Variants in ZNF530 observed in about 807,000 individuals in gnomAD.
The protein encoded by ZNF530 is zinc finger protein 530.
Under a neutral mutation model 2.8 loss-of-function variants are expected in ZNF530, and 5 were observed. The ratio of observed to expected loss-of-function variants is 1.80; its 90% CI spans 0.94 to 3.78. The LOEUF is 3.78. Ranked by LOEUF, ZNF530 falls within the 30% of genes most tolerant of loss-of-function variation. The pLI is 0.00. For missense variants in ZNF530, 619 were observed against 673.3 expected (o/e 0.92, Z 0.89); for synonymous variants, 229 against 235.0 (o/e 0.97, Z 0.23).
chr19:57,607,578 C>T lies in ZNF530; in HGVS notation c.*253C>T. On this transcript the variant is annotated 3_prime_UTR_variant, in exon 4 of 4. Transcript: ENST00000597700. Reference sequence around the variant, plus strand: ...CAGGCTGGTGTTGAACTCCTGACCTCAGGTAATCCACCTGCTTCAGCCTAC... The same window carrying T: ...CAGGCTGGTGTTGAACTCCTGACCTTAGGTAATCCACCTGCTTCAGCCTAC... 1 of 430,252 alleles carries T rather than the reference C, an allele frequency of 2.3e-6. No homozygotes were observed. Among genetic ancestry groups the T allele is most frequent in the South Asian group, 3.2e-5 (1 of 31,072 alleles). 26.7% of individuals were successfully genotyped at this position (430,252 alleles called of 1,614,324 possible).
chr19:57,609,583 C>T lies in ZNF530; in HGVS notation c.*2258C>T, dbSNP rs148352531. Reference sequence around the variant, plus strand: ...AATCTCTTGAACCTGGGAGGTGAGCCGAGATCGCACCATTGCACTTCGGCC... The same window carrying T: ...AATCTCTTGAACCTGGGAGGTGAGCTGAGATCGCACCATTGCACTTCGGCC... On this transcript the variant is annotated 3_prime_UTR_variant, in exon 4 of 4. Coordinates refer to ENST00000597700, the MANE Select transcript of ZNF530 (RefSeq NM_001321981.2). Among the ~76,000 whole-genome samples the T allele has an allele frequency of 2.2e-3, 337 of 152,202 alleles. 2 individuals are homozygous for T. Among genetic ancestry groups the T allele is most frequent in the African/African-American group, 7.8e-3 (323 of 41,518 alleles).
intron 2 of ZNF530, among the ~76,000 whole-genome samples, chr19:57,603,190 T>C (rs1342336336): frequency 6.6e-6 from 1 of 152,176 alleles, no homozygotes; most frequent in African/African-American, 2.4e-5. Flanking sequence ...CAACCAGCCT[T>C]AAAACCATCA....
downstream of ZNF530, among the ~76,000 whole-genome samples, chr19:57,612,091 A>C (rs895483682): frequency 6.6e-6 from 1 of 152,192 alleles, no homozygotes; most frequent in African/African-American, 2.4e-5. Flanking sequence ...TTTCTAGGGA[A>C]ATTCTGAGTA....
chr19:57,602,716 T>C (rs1395600341), intron 2 of ZNF530, among the ~76,000 whole-genome samples: 1 of 152,168 alleles, frequency 6.6e-6, no homozygotes, highest in South Asian at 2.1e-4. Context: ...TTCGTGCTGC[T>C]GATAAAGACA....
rs903152438 is a variant in ZNF530, at chr19:57,607,626, T to A, written c.*301T>A. 5 of 324,754 alleles carry A rather than the reference T, an allele frequency of 1.5e-5. No homozygotes were observed. Among genetic ancestry groups the A allele is most frequent in the African/African-American group, 1.1e-4 (5 of 47,266 alleles). The allele number at this position is 324,754 out of a possible 1,614,324, so 20.1% of individuals were successfully genotyped here. A position where few individuals can be genotyped will look rare whatever the true frequency, so the allele number is the denominator to read the frequency against. ...TACCAAAGTGCTGGGATTACAGGCG[T>A]GAGCCACCATGTCCGGCTTGTGTTG... On this transcript the variant is annotated 3_prime_UTR_variant, in exon 4 of 4. Coordinates refer to ENST00000597700, the MANE Select transcript of ZNF530 (RefSeq NM_001321981.2).
At position 57,606,286 on chromosome 19, in the gene ZNF530, T is replaced by C; in HGVS notation, c.662T>C (p.Phe221Ser). Residue 221 changes from phenylalanine to serine, a missense_variant, in exon 4 of 4, where the codon TTT becomes TCT. Coordinates refer to ENST00000597700, the MANE Select transcript of ZNF530 (RefSeq NM_001321981.2). ...CGKSFSQSSGFLRHRKAHGRT... is the reference protein window; with the variant it reads ...CGKSFSQSSGSLRHRKAHGRT... ...AAATCCTTTAGTCAAAGTTCTGGCT[T>C]TCTTCGACACAGGAAAGCACACGGT... The C allele has an allele frequency of 6.2e-7, 1 of 1,614,124 alleles. No individual in the cohort carries two copies. Among genetic ancestry groups the C allele is most frequent in the Non-Finnish European group, 8.5e-7 (1 of 1,180,036 alleles).
intron 2 of ZNF530, among the ~76,000 whole-genome samples, chr19:57,602,622 CAG>C (rs780907123): frequency 1.6e-4 from 25 of 152,164 alleles, no homozygotes; most frequent in Non-Finnish European, 2.6e-4. Flanking sequence ...AGGAATAATA[CAG>C]AGAGAGGATA....
Position 57,605,497 on chromosome 19 carries a change from C to A in ZNF530, c.62-189C>A, listed in dbSNP as rs1980461796. The A allele has an allele frequency of 1.8e-5, 10 of 561,014 alleles. No homozygotes were observed. The South Asian group carries it at 2.2e-4, about 12-fold the overall frequency. 34.8% of individuals were successfully genotyped at this position (561,014 alleles called of 1,614,324 possible). A position where few individuals can be genotyped will look rare whatever the true frequency, so the allele number is the denominator to read the frequency against. ...CTACCTGTTCTCTCTGAGTTGTGCCCCATCTTTGTGTCTTTCATCTCATAA... is the reference window on the plus strand; with the variant it reads ...CTACCTGTTCTCTCTGAGTTGTGCCACATCTTTGTGTCTTTCATCTCATAA... On this transcript the variant is annotated intron_variant, in intron 3 of 3. Coordinates refer to ENST00000597700, the MANE Select transcript of ZNF530 (RefSeq NM_001321981.2).
At position 57,607,297 on chromosome 19, in the gene ZNF530, T is replaced by G; in HGVS notation, c.1673T>G (p.Leu558Ter). The G allele has an allele frequency of 6.2e-7, 1 of 1,612,186 alleles. No homozygotes were observed. The highest frequency in any genetic ancestry group is 1.1e-5 in the South Asian group (1 of 90,992). ...GKSFSQSSGL[L>*]RHRRVHVQ ...TCCTTTAGCCAAAGCTCTGGCCTCT[T>G]AAGACACAGAAGAGTTCATGTGCAG... Residue 558 changes from leucine (L) to a stop codon, truncating the protein, a stop_gained, in exon 4 of 4, where the codon TTA becomes TGA. Coordinates refer to ENST00000597700, the MANE Select transcript of ZNF530 (RefSeq NM_001321981.2). LOFTEE classifies it low-confidence loss of function (END_TRUNC).
Position 57,609,584 on chromosome 19 carries a change from G to A in ZNF530, c.*2259G>A, listed in dbSNP as rs530162915. 2.8e-4 allele frequency among the ~76,000 whole-genome samples: 43 copies of A among 152,276 alleles called. No individual in the cohort carries two copies. Among genetic ancestry groups the A allele is most frequent in the Admixed American group, 4.6e-4 (7 of 15,286 alleles). ...ATCTCTTGAACCTGGGAGGTGAGCC[G>A]AGATCGCACCATTGCACTTCGGCCT... On this transcript the variant is annotated 3_prime_UTR_variant, in exon 4 of 4. Coordinates refer to ENST00000597700, the MANE Select transcript of ZNF530 (RefSeq NM_001321981.2).
chr19:57,604,764 G>A (rs1420017239), intron 3 of ZNF530: 1 of 192,260 alleles, frequency 5.2e-6, no homozygotes, highest in African/African-American at 2.4e-5. Flanking sequence ...GGAATTGCAG[G>A]TATCATCATG....
At position 57,606,999 on chromosome 19, in the gene ZNF530, G is replaced by A. The variant is rs768275648; in HGVS notation, c.1375G>A (p.Glu459Lys). 3.7e-6 allele frequency: 6 copies of A among 1,614,032 alleles called. No homozygotes were observed. In the African/African-American group the frequency reaches 5.3e-5, roughly 14 times the overall value. The stretch of plus-strand genomic sequence containing the variant: ...AGTTCACACTGGAGAAAGGCCTTAT[G>A]AGTGCAGTGTATGTGGGAAATCTTT... ...QTVHTGERPYECSVCGKSFIR... is the reference protein window; with the variant it reads ...QTVHTGERPYKCSVCGKSFIR... The change falls in exon 4 of 4, where the codon GAG becomes AAG. Residue 459 changes from glutamate (E) to lysine (K), a missense_variant. Coordinates refer to ENST00000597700, the MANE Select transcript of ZNF530 (RefSeq NM_001321981.2).
At chr19:57,604,227 T>C in intron 2 of ZNF530, 50 bp from the exon 3 acceptor site, 1 of 1,611,752 alleles carries the variant, frequency 6.2e-7, no homozygotes, top group Non-Finnish European at 8.5e-7. Flanking sequence ...GGAATCAACT[T>C]GGGGTCCTAG....
chr19:57,610,703 C>T (rs1260871200), downstream of ZNF530, among the ~76,000 whole-genome samples: 4 of 152,020 alleles, frequency 2.6e-5, no homozygotes, highest in African/African-American at 9.7e-5. Context: ...GGCCATATTC[C>T]CTGAAGGCCA....
downstream of ZNF530, chr19:57,612,436 C>T (rs1980910128): frequency 2.5e-6 from 1 of 400,284 alleles, no homozygotes; most frequent in Non-Finnish European, 4.4e-6. Context: ...CATAATACTA[C>T]AGCATCCCTG....
Position 57,607,726 on chromosome 19 carries a change from G to C in ZNF530, c.*401G>C. On this transcript the variant is annotated 3_prime_UTR_variant, in exon 4 of 4. Transcript: ENST00000597700. Reference sequence around the variant, plus strand: ...TGAATGTGTTTTTGCTTGTTAGTTTGTTTTAACTTGGTATGACGGCACTGG... The same window carrying C: ...TGAATGTGTTTTTGCTTGTTAGTTTCTTTTAACTTGGTATGACGGCACTGG... The C allele has an allele frequency of 5.3e-6, 1 of 190,354 alleles. No homozygotes were observed. The highest frequency in any genetic ancestry group is 1.1e-5 in the Non-Finnish European group (1 of 90,960). The allele number at this position is 190,354 out of a possible 1,614,324, so 11.8% of individuals were successfully genotyped here.
Position 57,609,145 on chromosome 19 carries a change from A to G in ZNF530, c.*1820A>G, listed in dbSNP as rs541228824. The G allele has an allele frequency of 6.6e-6, 1 of 152,412 alleles. No homozygotes were observed. The highest frequency in any genetic ancestry group is 2.4e-5 in the African/African-American group (1 of 41,576). 9.4% of individuals were successfully genotyped at this position (152,412 alleles called of 1,614,324 possible). A position where few individuals can be genotyped will look rare whatever the true frequency, so the allele number is the denominator to read the frequency against. On this transcript the variant is annotated 3_prime_UTR_variant, in exon 4 of 4. Coordinates refer to ENST00000597700, the MANE Select transcript of ZNF530 (RefSeq NM_001321981.2). ...CAGGAGTCAGAGACCAGACTGGCCA[A>G]CATGGTGAAACCCCATCTCTACTGA...
Position 57,606,893 on chromosome 19 carries a change from T to C in ZNF530, c.1269T>C (p.Ala423=). ...CTGGCCTCTTTCGACACAGAAGAGC[T>C]CACACTAAAACAAAGCCTTATGAGT... ...QSSGLFRHRR[A]HTKTKPYECS... Residue 423 remains alanine (A), a synonymous_variant, in exon 4 of 4, where the codon GCT becomes GCC. Coordinates refer to ENST00000597700, the MANE Select transcript of ZNF530 (RefSeq NM_001321981.2). The C allele has an allele frequency of 6.2e-7, 1 of 1,613,450 alleles. No individual in the cohort carries two copies. The highest frequency in any genetic ancestry group is 8.5e-7 in the Non-Finnish European group (1 of 1,179,890).
In ZNF530 at chr19:57,609,272, A is replaced by G. The variant is rs1462464828; in HGVS notation, c.*1947A>G. On this transcript the variant is annotated 3_prime_UTR_variant, in exon 4 of 4. Coordinates refer to ENST00000597700, the MANE Select transcript of ZNF530 (RefSeq NM_001321981.2). The stretch of plus-strand genomic sequence containing the variant: ...GCTTGAACCCGGAAGTGGAGGTTGC[A>G]GTGAGCTGAGACCACACCACTGCAC... Among the ~76,000 whole-genome samples, 1 of 151,946 alleles carries G rather than the reference A, an allele frequency of 6.6e-6. No homozygotes were observed. The highest frequency in any genetic ancestry group is 1.5e-5 in the Non-Finnish European group (1 of 67,984).
Sources: allele counts gnomAD v4.1 joint callset (sites outside exome capture counted in the v4.1 genomes callset), GRCh38; gene constraint gnomAD v4.1.1; transcripts MANE v1.5; gene names NCBI Gene and HGNC (gene_info 2026-07-23, HGNC 2026-07-21).